DNAH9: variants seen among roughly 807,000 people sequenced by gnomAD.
DNAH9 encodes dynein axonemal heavy chain 9, also known as DNAH9 variant protein.
A neutral mutation model predicts 471.6 loss-of-function variants in DNAH9; 345 were observed. That is an observed-to-expected ratio of 0.73 (90% CI 0.67 to 0.80). The LOEUF (loss-of-function observed/expected upper bound fraction) is 0.80, where lower values mean the gene tolerates loss of function less well. DNAH9 is among the 30% of genes least tolerant of loss of function. The pLI, the probability that DNAH9 is intolerant of heterozygous loss-of-function variation, is 0.00. For missense variants in DNAH9, 5,407 were observed against 5,609.2 expected (o/e 0.96, Z 1.15); for synonymous variants, 2,093 against 2,123.6 (o/e 0.99, Z 0.40).
intron 59 of DNAH9, among the ~76,000 whole-genome samples, chr17:11,896,805 A>T (rs1348798409): frequency 1.3e-5 from 2 of 152,208 alleles, no homozygotes; most frequent in Non-Finnish European, 2.9e-5. Flanking sequence ...AAATGGATAA[A>T]ATTGACTGGG....
intron 12 of DNAH9, among the ~76,000 whole-genome samples, chr17:11,648,356 T>A (rs755967050): frequency 3.9e-5 from 6 of 152,216 alleles, no homozygotes; most frequent in Non-Finnish European, 5.9e-5. Flanking sequence ...TCTGTTTAAC[T>A]TACTGAACTC....
intron 49 of DNAH9, among the ~76,000 whole-genome samples, chr17:11,840,566 A>C (rs760011449): frequency 6.6e-6 from 1 of 152,150 alleles, no homozygotes; most frequent in Non-Finnish European, 1.5e-5. Flanking sequence ...CTCTCCCCCA[A>C]AGAGTTCCAC....
intron 29 of DNAH9, among the ~76,000 whole-genome samples, chr17:11,740,970 TTAAC>T (rs1315000498): frequency 3.1e-5 from 2 of 64,840 alleles, no homozygotes; most frequent in Non-Finnish European, 6.6e-5. Context: ...CCTACTTTCA[TTAAC>T]TAATGTTTCT....
chr17:11,655,630 C>T (rs2073626174), intron 14 of DNAH9, among the ~76,000 whole-genome samples: 1 of 150,258 alleles, frequency 6.7e-6, no homozygotes, highest in Admixed American at 6.7e-5. Context: ...CACACACACA[C>T]ACCATGTATA....
chr17:11,716,764 C>T (rs752453650), intron 26 of DNAH9, among the ~76,000 whole-genome samples: 19 of 152,288 alleles, frequency 1.2e-4, no homozygotes, highest in African/African-American at 2.4e-4. Flanking sequence ...CACCCTCAGC[C>T]GGCAGAGGGG....
intron 38 of DNAH9, among the ~76,000 whole-genome samples, chr17:11,780,338 C>T (rs1268568510): frequency 1.3e-5 from 2 of 152,210 alleles, no homozygotes; most frequent in African/African-American, 2.4e-5. Flanking sequence ...GAAAATCCCA[C>T]GAGATGAACT....
chr17:11,758,590 C>T (rs1157641429), intron 35 of DNAH9, among the ~76,000 whole-genome samples: 1 of 152,086 alleles, frequency 6.6e-6, no homozygotes, highest in Non-Finnish European at 1.5e-5. Context: ...GCTTGTCAAG[C>T]ATGGGATATG....
Position 11,883,615 on chromosome 17 carries a change from C to G in DNAH9, c.10836C>G (p.Phe3612Leu), listed in dbSNP as rs1972794127. 1.2e-6 allele frequency: 2 copies of G among 1,614,008 alleles called. No homozygotes were observed. Among genetic ancestry groups the G allele is most frequent in the South Asian group, 2.2e-5 (2 of 91,076 alleles). Residue 3612 changes from phenylalanine (F) to leucine (L), a missense_variant, in exon 56 of 69, where the codon TTC becomes TTG. Coordinates refer to ENST00000262442, the MANE Select transcript of DNAH9 (RefSeq NM_001372.4). ...ATCTCACAAAGCAGCAGAATGGATTCAAAATTACCCTGAAAACGTTGGAAG... is the reference window on the plus strand; with the variant it reads ...ATCTCACAAAGCAGCAGAATGGATTGAAAATTACCCTGAAAACGTTGGAAG... ...KSDLTKQQNGFKITLKTLEDS... is the reference protein window; with the variant it reads ...KSDLTKQQNGLKITLKTLEDS...
chr17:11,771,104 A>G (rs1389210590), intron 38 of DNAH9, among the ~76,000 whole-genome samples: 1 of 152,132 alleles, frequency 6.6e-6, no homozygotes, highest in Admixed American at 6.5e-5. Flanking sequence ...TAATTTACTT[A>G]ATTTTAAGTT....
At chr17:11,687,705 C>G (rs762950968) in intron 19 of DNAH9, among the ~76,000 whole-genome samples, 5 of 152,122 alleles carry the variant, frequency 3.3e-5, no homozygotes, top group South Asian at 2.1e-4. Context: ...TGTGGTGTGT[C>G]TAGTATGTAG....
chr17:11,934,435 A>ATTTTTTTTTTTTTT (rs547023975), intron 65 of DNAH9, among the ~76,000 whole-genome samples: 8 of 86,032 alleles, frequency 9.3e-5, no homozygotes, highest in Non-Finnish European at 1.3e-4. Flanking sequence ...TGACAAACCC[A>ATTTTTTTTTTTTTT]TTTTTTTTTT....
chr17:11,911,057 CTA>C (rs1203695775), intron 61 of DNAH9, among the ~76,000 whole-genome samples: 4 of 152,020 alleles, frequency 2.6e-5, no homozygotes, highest in Non-Finnish European at 4.4e-5. Flanking sequence ...TACAATTTAT[CTA>C]TGTTTTCCTT....
At chr17:11,893,178 C>A (rs867741895) in intron 58 of DNAH9, among the ~76,000 whole-genome samples, 403 of 94,950 alleles carry the variant, frequency 4.2e-3, no homozygotes, top group Middle Eastern at 6.9e-3. Flanking sequence ...TTGGCCTTTG[C>A]AAAAAAAAAA....
chr17:11,947,517 A>G (rs1975171996), intron 67 of DNAH9, among the ~76,000 whole-genome samples: 1 of 145,252 alleles, frequency 6.9e-6, no homozygotes, highest in Non-Finnish European at 1.5e-5. Context: ...TCAAAGCCAT[A>G]AGACCAAAAA....
At chr17:11,712,351 T>C (rs77583504) in intron 26 of DNAH9, among the ~76,000 whole-genome samples, 3,788 of 151,816 alleles carry the variant, frequency 0.025, 155 homozygotes, top group African/African-American at 0.085. Context: ...ACTTAGATGA[T>C]TTTCAGCTGA....
rs992298542 is a variant in DNAH9 at position 11,707,125 on chromosome 17, T to C, written c.5552+1940T>C. ...TATTTTAATTCCACTGAGATTTCTGTAAATTCTGCTGGGAGTTCATACCCT... is the reference window on the plus strand; with the variant it reads ...TATTTTAATTCCACTGAGATTTCTGCAAATTCTGCTGGGAGTTCATACCCT... On this transcript the variant is annotated intron_variant, in intron 26 of 68. Coordinates refer to ENST00000262442, the MANE Select transcript of DNAH9 (RefSeq NM_001372.4). 2.0e-5 allele frequency among the ~76,000 whole-genome samples: 3 copies of C among 152,206 alleles called. No homozygotes were observed. The East Asian group carries it at 5.8e-4, about 29-fold the overall frequency.
intron 26 of DNAH9, among the ~76,000 whole-genome samples, chr17:11,713,925 A>G (rs1028927214): frequency 2.0e-5 from 3 of 152,148 alleles, no homozygotes; most frequent in East Asian, 3.8e-4. Flanking sequence ...TGCTAGAGAG[A>G]TGATATGGGT....
At chr17:11,665,265 G>A (rs1228322016) in intron 15 of DNAH9, among the ~76,000 whole-genome samples, 1 of 152,194 alleles carries the variant, frequency 6.6e-6, no homozygotes, top group African/African-American at 2.4e-5. Context: ...GAGTGACCAC[G>A]TTAAGAAGCA....
intron 60 of DNAH9, among the ~76,000 whole-genome samples, chr17:11,905,265 G>A (rs769497469): frequency 3.3e-5 from 5 of 151,826 alleles, no homozygotes; most frequent in East Asian, 1.9e-4. Flanking sequence ...ATAGCGTACC[G>A]TAGGGCCTTA....
Sources: allele counts gnomAD v4.1 joint callset (sites outside exome capture counted in the v4.1 genomes callset), GRCh38; gene constraint gnomAD v4.1.1; transcripts MANE v1.5; gene names NCBI Gene and HGNC (gene_info 2026-07-23, HGNC 2026-07-21).